Variants in ADAMTSL1 observed in about 807,000 individuals in gnomAD.
ADAMTSL1 encodes the protein ADAMTS-like protein 1.
Under a neutral mutation model 201.8 loss-of-function variants are expected in ADAMTSL1, and 126 were observed. The observed-to-expected ratio is 0.62, with a 90% CI of 0.54 to 0.72. The LOEUF is 0.72. ADAMTSL1 is among the 30% of genes least tolerant of loss of function. The probability of loss-of-function intolerance (pLI) is 0.00; values close to 1 mark genes in which losing one functional copy is unlikely to be tolerated. For synonymous variants in ADAMTSL1, 1,121 were observed against 903.4 expected (o/e 1.24, Z -4.32); for missense variants, 2,679 against 2,277.8 (o/e 1.18, Z -3.59).
chr9:18,740,582 T>G (rs1464308993), intron 15 of ADAMTSL1, among the ~76,000 whole-genome samples: 1 of 150,144 alleles, frequency 6.7e-6, no homozygotes, highest in Non-Finnish European at 1.5e-5. Flanking sequence ...GTTCCAGCGA[T>G]TCTCCTGCCT....
At chr9:18,738,542 ACT>A (rs148297837) in intron 15 of ADAMTSL1, among the ~76,000 whole-genome samples, 2,197 of 152,048 alleles carry the variant, frequency 0.014, 56 homozygotes, top group African/African-American at 0.049. Flanking sequence ...GGGTAGAAAC[ACT>A]CTCCATGTTT....
At chr9:18,559,028 A>C (rs747888633) in intron 3 of ADAMTSL1, among the ~76,000 whole-genome samples, 1 of 152,042 alleles carries the variant, frequency 6.6e-6, no homozygotes, top group Non-Finnish European at 1.5e-5. Context: ...CCCATTTGTC[A>C]ATTTTGGCTT....
rs79314573 is a variant in ADAMTSL1 at position 18,071,937 on chromosome 9, G to A, written c.88-91925G>A. ...GATCCTCAGTTTCATCTCCATTAGA[G>A]AGAAAATACTCTGAGTTCTGTTTTA... On this transcript the variant is annotated intron_variant, in intron 1 of 29. Coordinates refer to the ADAMTSL1 transcript ENST00000680146. Among the ~76,000 whole-genome samples, 43 of 152,306 alleles carry A rather than the reference G, an allele frequency of 2.8e-4. No homozygotes were observed. The East Asian group carries it at 7.9e-3, about 28-fold the overall frequency.
chr9:18,487,027 G>A (rs758084160), intron 1 of ADAMTSL1, among the ~76,000 whole-genome samples: 7 of 152,080 alleles, frequency 4.6e-5, no homozygotes, highest in Admixed American at 6.5e-5. Context: ...TAAAAATGCC[G>A]GTAAAAGATG....
At chr9:18,304,029 C>G (rs1833807436) in intron 2 of ADAMTSL1, among the ~76,000 whole-genome samples, 1 of 152,176 alleles carries the variant, frequency 6.6e-6, no homozygotes. Flanking sequence ...ATGCATTTAA[C>G]CTTGGCCTGT....
chr9:17,952,565 G>T (rs1032594162), intron 1 of ADAMTSL1, among the ~76,000 whole-genome samples: 5 of 152,036 alleles, frequency 3.3e-5, no homozygotes, highest in Admixed American at 6.6e-5. Flanking sequence ...CTTAAAAAAA[G>T]TTCCTGCCTA....
chr9:18,106,643 T>C (rs1824774342), intron 1 of ADAMTSL1, among the ~76,000 whole-genome samples: 1 of 152,192 alleles, frequency 6.6e-6, no homozygotes, highest in Admixed American at 6.5e-5. Context: ...CAAATTAAAA[T>C]GGAATCTACG....
chr9:18,906,614 T>A, intron 27 of ADAMTSL1, 78 bp from the exon 28 acceptor site: 5 of 1,209,974 alleles, frequency 4.1e-6, no homozygotes, highest in Non-Finnish European at 5.7e-6. Flanking sequence ...ATTTCTGAGT[T>A]TGCAGCACTA....
At chr9:18,432,107 T>C (rs889092094) in intron 2 of ADAMTSL1, among the ~76,000 whole-genome samples, 2 of 152,254 alleles carry the variant, frequency 1.3e-5, no homozygotes, top group African/African-American at 4.8e-5. Flanking sequence ...TCATTAACTT[T>C]GGTCTGTTGT....
intron 2 of ADAMTSL1, among the ~76,000 whole-genome samples, chr9:18,240,102 G>T (rs916221307): frequency 2.1e-4 from 32 of 152,190 alleles, no homozygotes; most frequent in African/African-American, 7.7e-4. Context: ...TTTCCAGAAG[G>T]TTTTCCACTT....
intron 1 of ADAMTSL1, among the ~76,000 whole-genome samples, chr9:17,909,302 C>A (rs1466848406): frequency 6.8e-6 from 1 of 146,920 alleles, no homozygotes; most frequent in South Asian, 2.3e-4. Flanking sequence ...GTTTCTTTTG[C>A]TGTGCAGAAG....
At chr9:18,209,187 A>G (rs1250745969) in intron 2 of ADAMTSL1, among the ~76,000 whole-genome samples, 1 of 152,140 alleles carries the variant, frequency 6.6e-6, no homozygotes, top group East Asian at 1.9e-4. Context: ...AATGTTTGTT[A>G]TATGTTTTGC....
intron 2 of ADAMTSL1, among the ~76,000 whole-genome samples, chr9:18,234,659 C>T (rs955425554): frequency 6.6e-6 from 1 of 152,098 alleles, no homozygotes; most frequent in African/African-American, 2.4e-5. Context: ...TAACATTTAA[C>T]TGAGCTAGAA....
At chr9:18,828,826 C>T (rs1326257947) in intron 22 of ADAMTSL1, among the ~76,000 whole-genome samples, 3 of 151,280 alleles carry the variant, frequency 2.0e-5, no homozygotes, top group African/African-American at 7.3e-5. Flanking sequence ...TTCAAGTAGA[C>T]TCAGGCACCA....
chr9:17,942,290 T>G, intron 1 of ADAMTSL1, among the ~76,000 whole-genome samples: 1 of 152,132 alleles, frequency 6.6e-6, no homozygotes, highest in Non-Finnish European at 1.5e-5. Context: ...TTAACAAATA[T>G]TACCTTGTAT....
intron 2 of ADAMTSL1, among the ~76,000 whole-genome samples, chr9:18,165,173 G>T (rs993673930): frequency 6.6e-6 from 1 of 151,650 alleles, no homozygotes; most frequent in African/African-American, 2.4e-5. Context: ...TCCTTCTTAT[G>T]AAAAATATCT....
chr9:18,000,587 T>G (rs1401969378), intron 1 of ADAMTSL1, among the ~76,000 whole-genome samples: 1 of 152,036 alleles, frequency 6.6e-6, no homozygotes, highest in East Asian at 1.9e-4. Flanking sequence ...ATAGGTGACT[T>G]TTAACTTGGG....
chr9:18,908,110 C>T, intron 28 of ADAMTSL1: 1 of 334,392 alleles, frequency 3.0e-6, no homozygotes, highest in South Asian at 2.7e-5. Context: ...GAGAGGTGAT[C>T]ACCTAGGAGA....
At position 18,423,225 on chromosome 9, in the gene ADAMTSL1, C is replaced by T. The variant is rs537399993; in HGVS notation, c.208-81604C>T. Among the ~76,000 whole-genome samples, 46 of 152,262 alleles carry T rather than the reference C, an allele frequency of 3.0e-4. No individual in the cohort carries two copies. The South Asian group carries it at 9.1e-3, about 30-fold the overall frequency. ...GAAATTACTTTCTGGACAATTTAAACTGGATTTTCCTTCTGTATATGTTTT... is the reference window on the plus strand; with the variant it reads ...GAAATTACTTTCTGGACAATTTAAATTGGATTTTCCTTCTGTATATGTTTT... On this transcript the variant is annotated intron_variant, in intron 2 of 29. Coordinates refer to the ADAMTSL1 transcript ENST00000680146.
Sources: gnomAD v4.1 joint callset for allele counts (sites outside exome capture counted in the v4.1 genomes callset) on GRCh38, gnomAD v4.1.1 for gene constraint, MANE v1.5 for transcripts, NCBI Gene and HGNC (gene_info 2026-07-23, HGNC 2026-07-21) for gene names.